SORBS2: variants seen among roughly 807,000 people sequenced by gnomAD.
The protein encoded by SORBS2 is sorbin and SH3 domain containing 2.
Under a neutral mutation model 97.7 loss-of-function variants are expected in SORBS2, and 46 were observed. The observed-to-expected ratio is 0.47, with a 90% CI of 0.37 to 0.60. The LOEUF is 0.60. Among genes scored for constraint, SORBS2 ranks in the 20% least tolerant of loss-of-function variants. The pLI, the probability that SORBS2 is intolerant of heterozygous loss-of-function variation, is 0.00. For synonymous variants in SORBS2, 476 were observed against 473.4 expected (o/e 1.01, Z -0.07); for missense variants, 1,316 against 1,282.3 (o/e 1.03, Z -0.40).
Position 185,930,440 on chromosome 4 carries a change from G to A in SORBS2, c.-338+25756C>T, listed in dbSNP as rs193052264. 1.8e-4 allele frequency among the ~76,000 whole-genome samples: 27 copies of A among 151,532 alleles called. No homozygotes were observed. The East Asian group carries it at 4.8e-3, about 27-fold the overall frequency. On this transcript the variant is annotated intron_variant, in intron 1 of 20. Coordinates refer to the SORBS2 transcript ENST00000284776. ...CTCCCGAGTAGCTGGGACTACAGGCGACCGCCACCACCACGCCCGGCTAAT... is the reference window on the plus strand; with the variant it reads ...CTCCCGAGTAGCTGGGACTACAGGCAACCGCCACCACCACGCCCGGCTAAT...
intron 1 of SORBS2, among the ~76,000 whole-genome samples, chr4:185,905,102 C>CAA (rs201976720): frequency 5.0e-4 from 71 of 141,358 alleles, no homozygotes; most frequent in South Asian, 1.1e-3. Flanking sequence ...GAAACTCTGT[C>CAA]AAAAAAAAAA....
rs2099248564 is a variant in SORBS2, at chr4:185,903,033, G to T, written c.-338+53163C>A. ...AAACTAAAAGCACTGATTCCATGGG[G>T]TGCTGTGAGTATTAAGTCCATGGAA... On this transcript the variant is annotated intron_variant, in intron 1 of 20. Transcript: ENST00000284776. Among the ~76,000 whole-genome samples the T allele has an allele frequency of 2.0e-5, 3 of 152,320 alleles. No individual in the cohort carries two copies. In the South Asian group the frequency reaches 6.2e-4, roughly 32 times the overall value.
chr4:185,586,383 T>G (rs570534656), exon 15 of SORBS2: 4 of 152,678 alleles, frequency 2.6e-5, no homozygotes, highest in Non-Finnish European at 5.9e-5. Context: ...AAAAAGTGCC[T>G]AATTTATTCC....
At chr4:185,667,646 T>A in intron 4 of SORBS2, among the ~76,000 whole-genome samples, 1 of 148,530 alleles carries the variant, frequency 6.7e-6, no homozygotes, top group East Asian at 1.9e-4. Context: ...TCTTACTTAA[T>A]ATGATTTTTT....
At chr4:185,823,611 G>C (rs1195905519) in intron 1 of SORBS2, among the ~76,000 whole-genome samples, 1 of 152,060 alleles carries the variant, frequency 6.6e-6, no homozygotes, top group Admixed American at 6.6e-5. Flanking sequence ...GAGTTTTCCT[G>C]ATATGTTCTG....
intron 2 of SORBS2, among the ~76,000 whole-genome samples, chr4:185,721,292 C>G (rs1281543874): frequency 1.3e-5 from 2 of 152,106 alleles, no homozygotes; most frequent in African/African-American, 4.8e-5. Flanking sequence ...CCAGGCTGGT[C>G]TCAAACTCCT....
intron 4 of SORBS2, 67 bp downstream of exon 13, chr4:185,646,601 T>C: frequency 1.1e-6 from 1 of 910,132 alleles, no homozygotes; most frequent in Non-Finnish European, 1.8e-6. Context: ...GGTCTGAAAT[T>C]CAGGTTTATT....
At chr4:185,790,214 A>T (rs910632124) in intron 1 of SORBS2, among the ~76,000 whole-genome samples, 1 of 152,140 alleles carries the variant, frequency 6.6e-6, no homozygotes, top group Admixed American at 6.5e-5. Context: ...AAAAATTGTT[A>T]AACTACACTT....
At chr4:185,931,371 G>A (rs1359434632) in intron 1 of SORBS2, among the ~76,000 whole-genome samples, 2 of 152,142 alleles carry the variant, frequency 1.3e-5, no homozygotes, top group Non-Finnish European at 2.9e-5. Flanking sequence ...CATGACACTT[G>A]TTAAGGACAC....
chr4:185,692,666 T>TG (rs1465676045), intron 2 of SORBS2, among the ~76,000 whole-genome samples: 2 of 151,992 alleles, frequency 1.3e-5, no homozygotes, highest in African/African-American at 2.4e-5. Context: ...TCTCTCCCAG[T>TG]GGGGGGAAAA....
chr4:185,915,035 A>G (rs532105387), intron 1 of SORBS2, among the ~76,000 whole-genome samples: 51 of 152,344 alleles, frequency 3.3e-4, no homozygotes, highest in Middle Eastern at 3.4e-3. Flanking sequence ...TGACGACACT[A>G]AAGACTAATG....
chr4:185,896,936 A>C (rs1561278677), intron 1 of SORBS2, among the ~76,000 whole-genome samples: 1 of 151,952 alleles, frequency 6.6e-6, no homozygotes, highest in Non-Finnish European at 1.5e-5. Context: ...GTTGTATTAC[A>C]AAGCACGTCA....
intron 2 of SORBS2, among the ~76,000 whole-genome samples, chr4:185,686,191 T>C (rs1191086993): frequency 2.0e-5 from 3 of 152,152 alleles, no homozygotes; most frequent in Non-Finnish European, 2.9e-5. Context: ...CCATTTTTCC[T>C]TTTTCTTTAT....
chr4:185,894,311 C>A (rs750324001), intron 1 of SORBS2: 1 of 152,016 alleles, frequency 6.6e-6, no homozygotes, highest in South Asian at 2.1e-4. Flanking sequence ...TGCTTCATGG[C>A]CCCCAGGGAA....
intron 2 of SORBS2, among the ~76,000 whole-genome samples, chr4:185,767,518 AAG>A (rs1491173674): frequency 0.2 from 15,604 of 77,828 alleles, 1,117 homozygotes; most frequent in Non-Finnish European, 0.26. Flanking sequence ...AAAAAAAAAA[AAG>A]AGAAAGAAAA....
chr4:185,878,693 C>A (rs1340276867), intron 1 of SORBS2, among the ~76,000 whole-genome samples: 1 of 152,190 alleles, frequency 6.6e-6, no homozygotes, highest in African/African-American at 2.4e-5. Flanking sequence ...TTCTGCATTG[C>A]GCTTTCCACC....
At chr4:185,672,128 G>A (rs1203931194) in intron 4 of SORBS2, among the ~76,000 whole-genome samples, 1 of 152,218 alleles carries the variant, frequency 6.6e-6, no homozygotes, top group Non-Finnish European at 1.5e-5. Context: ...CAGAAAGTGC[G>A]TTCTGCAGTT....
intron 1 of SORBS2, among the ~76,000 whole-genome samples, chr4:185,655,340 T>C (rs894819273): frequency 1.4e-4 from 21 of 152,224 alleles, no homozygotes; most frequent in African/African-American, 5.1e-4. Flanking sequence ...ATACACTGAA[T>C]CTGATCATCA....
chr4:185,900,748 T>C (rs1344261225), intron 1 of SORBS2, among the ~76,000 whole-genome samples: 2 of 152,036 alleles, frequency 1.3e-5, no homozygotes, highest in East Asian at 3.9e-4. Context: ...TATTTGTACG[T>C]ATGAGTGGGA....
Sources: gnomAD v4.1 joint callset for allele counts (sites outside exome capture counted in the v4.1 genomes callset) on GRCh38, gnomAD v4.1.1 for gene constraint, MANE v1.5 for transcripts, NCBI Gene and HGNC (gene_info 2026-07-23, HGNC 2026-07-21) for gene names.